SORBS2: variants seen among roughly 807,000 people sequenced by gnomAD.
SORBS2 encodes sorbin and SH3 domain containing 2.
Under a neutral mutation model 97.7 loss-of-function variants are expected in SORBS2, and 46 were observed. That is an observed-to-expected ratio of 0.47 (90% CI 0.37 to 0.60). SORBS2 has a LOEUF of 0.60. SORBS2 is among the 20% of genes least tolerant of loss of function. The pLI is 0.00. For synonymous variants in SORBS2, 476 were observed against 473.4 expected (o/e 1.01, Z -0.07); for missense variants, 1,316 against 1,282.3 (o/e 1.03, Z -0.40).
chr4:185,720,127 AAGAC>A (rs1251909107), intron 2 of SORBS2, among the ~76,000 whole-genome samples: 2 of 152,212 alleles, frequency 1.3e-5, no homozygotes, highest in African/African-American at 4.8e-5. Flanking sequence ...AGCGCTGAGA[AAGAC>A]AGAGCAATAA....
At chr4:185,610,795 A>G (rs1328680366) in intron 12 of SORBS2, among the ~76,000 whole-genome samples, 1 of 152,076 alleles carries the variant, frequency 6.6e-6, no homozygotes, top group Admixed American at 6.6e-5. Context: ...CCTAGCCTTG[A>G]TCTCAATTAA....
chr4:185,651,918 G>A, intron 2 of SORBS2, 90 bp from the exon 11 acceptor site: 1 of 731,170 alleles, frequency 1.4e-6, no homozygotes, highest in Non-Finnish European at 2.4e-6. Context: ...ACAGAAATTT[G>A]TTAGAAAAGC....
chr4:185,704,113 T>C (rs7696530), intron 2 of SORBS2, among the ~76,000 whole-genome samples: 133,089 of 152,154 alleles, frequency 0.87, 58,365 homozygotes, highest in Admixed American at 0.92. Context: ...CTTTTAATAT[T>C]ATCAAAAGTA....
At chr4:185,889,611 T>C (rs1305271549) in intron 1 of SORBS2, among the ~76,000 whole-genome samples, 1 of 152,192 alleles carries the variant, frequency 6.6e-6, no homozygotes, top group Non-Finnish European at 1.5e-5. Context: ...ATTTATCTTT[T>C]CATGTTCCTC....
At chr4:185,754,828 G>A (rs2153602670) in intron 2 of SORBS2, among the ~76,000 whole-genome samples, 1 of 152,326 alleles carries the variant, frequency 6.6e-6, no homozygotes, top group South Asian at 2.1e-4. Flanking sequence ...GAGCGAGAAT[G>A]TACAGGATCA....
At chr4:185,887,020 A>G (rs2099240020) in intron 1 of SORBS2, among the ~76,000 whole-genome samples, 1 of 152,180 alleles carries the variant, frequency 6.6e-6, no homozygotes, top group Non-Finnish European at 1.5e-5. Flanking sequence ...TGAAGACAGA[A>G]TAGGCTGCCT....
rs574780866 is a variant in SORBS2 at position 185,954,729 on chromosome 4, G to A, written c.-338+1467C>T. Reference sequence around the variant, plus strand: ...AATCCCAGCACTTTGGGAGGCTGAGGCAGGCGGATCACGAGGTCAGGAGTT... The same window carrying A: ...AATCCCAGCACTTTGGGAGGCTGAGACAGGCGGATCACGAGGTCAGGAGTT... On this transcript the variant is annotated intron_variant, in intron 1 of 20. Transcript: ENST00000284776. Among the ~76,000 whole-genome samples, 15 of 152,308 alleles carry A rather than the reference G, an allele frequency of 9.8e-5. No homozygotes were observed. In the South Asian group the frequency reaches 2.7e-3, roughly 27 times the overall value.
At chr4:185,805,411 T>C (rs1288091094) in intron 1 of SORBS2, among the ~76,000 whole-genome samples, 1 of 152,232 alleles carries the variant, frequency 6.6e-6, no homozygotes, top group Non-Finnish European at 1.5e-5. Flanking sequence ...ATCTGATTGC[T>C]GTAAGCCGTT....
chr4:185,846,639 T>G lies in SORBS2; in HGVS notation c.-337-71273A>C, dbSNP rs566958058. ...TTTGGCAATCCTATTGGGAACAATT[T>G]CACTGGTAAAGCCTGAAGCGAGACT... On this transcript the variant is annotated intron_variant, in intron 1 of 20. Coordinates refer to the SORBS2 transcript ENST00000284776. 3.9e-5 allele frequency among the ~76,000 whole-genome samples: 6 copies of G among 152,348 alleles called. No individual in the cohort carries two copies. The East Asian group carries it at 7.7e-4, about 20-fold the overall frequency.
intron 4 of SORBS2, among the ~76,000 whole-genome samples, chr4:185,640,176 CA>C (rs2097103325): frequency 1.3e-5 from 2 of 152,172 alleles, no homozygotes; most frequent in South Asian, 2.1e-4. Flanking sequence ...CTAAGTTATC[CA>C]AAAGATGTAG....
intron 4 of SORBS2, 105 bp from the exon 8 acceptor site, chr4:185,662,347 G>C: frequency 8.9e-7 from 1 of 1,129,396 alleles, no homozygotes; most frequent in Non-Finnish European, 1.3e-6. Flanking sequence ...AGAGTAATCA[G>C]CTGCCAAGCT....
chr4:185,755,717 C>T (rs1398078815), intron 2 of SORBS2, among the ~76,000 whole-genome samples: 1 of 152,218 alleles, frequency 6.6e-6, no homozygotes, highest in Admixed American at 6.5e-5. Flanking sequence ...CTCACTTAGA[C>T]TCTCTTATCA....
At chr4:185,692,074 C>A (rs188871040) in intron 2 of SORBS2, among the ~76,000 whole-genome samples, 1 of 152,322 alleles carries the variant, frequency 6.6e-6, no homozygotes, top group Admixed American at 6.5e-5. Flanking sequence ...CTTTCTCTGG[C>A]ATATTCTCTT....
In SORBS2 at chr4:185,776,732, C is replaced by G. The variant is rs533928192; in HGVS notation, c.-337-1366G>C. Among the ~76,000 whole-genome samples, 249 of 140,804 alleles carry G rather than the reference C, an allele frequency of 1.8e-3. No individual in the cohort carries two copies. In the Middle Eastern group the frequency reaches 0.027, roughly 15 times the overall value. 92.4% of individuals were successfully genotyped at this position (140,804 alleles called of 152,430 possible). A position where few individuals can be genotyped will look rare whatever the true frequency, so the allele number is the denominator to read the frequency against. On this transcript the variant is annotated intron_variant, in intron 1 of 20. Coordinates refer to the SORBS2 transcript ENST00000284776. The stretch of plus-strand genomic sequence containing the variant: ...TGGCTAACATGGTGAAACCCCATCT[C>G]TAAAAAAAATGCAAAAAATTAGCAG...
At chr4:185,595,067 G>C (rs1323310383) in intron 12 of SORBS2, among the ~76,000 whole-genome samples, 1 of 152,138 alleles carries the variant, frequency 6.6e-6, no homozygotes. Context: ...GGATAATTCT[G>C]AGGTTCCTTT....
chr4:185,813,932 T>C (rs1029668186), intron 1 of SORBS2, among the ~76,000 whole-genome samples: 4 of 152,188 alleles, frequency 2.6e-5, no homozygotes, highest in Non-Finnish European at 5.9e-5. Flanking sequence ...ATCTGGTCCA[T>C]GTCTTCTTTG....
chr4:185,763,852 AC>A (rs1199016261), intron 2 of SORBS2, among the ~76,000 whole-genome samples: 1 of 152,226 alleles, frequency 6.6e-6, no homozygotes, highest in African/African-American at 2.4e-5. Context: ...AGTGATGTCT[AC>A]CAGCTTTCGC....
At chr4:185,677,221 C>A (rs764467421) in intron 4 of SORBS2, 7 of 1,551,522 alleles carry the variant, frequency 4.5e-6, no homozygotes, top group Non-Finnish European at 5.2e-6. Flanking sequence ...GACGGTACTT[C>A]GACAGATTTG....
intron 4 of SORBS2, among the ~76,000 whole-genome samples, chr4:185,634,669 C>T (rs2096964195): frequency 6.6e-6 from 1 of 152,086 alleles, no homozygotes; most frequent in African/African-American, 2.4e-5. Flanking sequence ...TAAAAATATA[C>T]ATTGGCTGCC....
Sources: allele counts gnomAD v4.1 joint callset (sites outside exome capture counted in the v4.1 genomes callset), GRCh38; gene constraint gnomAD v4.1.1; transcripts MANE v1.5; gene names NCBI Gene and HGNC (gene_info 2026-07-23, HGNC 2026-07-21).